IL1B: variants seen among roughly 807,000 people sequenced by gnomAD.
IL1B encodes the protein interleukin-1 beta.
A neutral mutation model predicts 26.2 loss-of-function variants in IL1B; 11 were observed. The ratio of observed to expected loss-of-function variants is 0.42; its 90% CI spans 0.26 to 0.70. The LOEUF (loss-of-function observed/expected upper bound fraction) is 0.70. IL1B is among the 30% of genes least tolerant of loss of function. The probability of loss-of-function intolerance (pLI) is 0.25; values close to 1 mark genes in which losing one functional copy is unlikely to be tolerated. For missense variants in IL1B, 255 were observed against 327.5 expected (o/e 0.78, Z 1.71); for synonymous variants, 118 against 120.8 (o/e 0.98, Z 0.15).
chr2:112,836,286 T>C, intron 1 of IL1B, 42 bp from the exon 2 acceptor site: 8 of 1,411,904 alleles, frequency 5.7e-6, no homozygotes, highest in Non-Finnish European at 8.0e-6. Flanking sequence ...CCATGACGGC[T>C]ACGTTCATGT....
At position 112,836,754 on chromosome 2, in the gene IL1B, T is replaced by A. The variant is rs115403599; in HGVS notation, c.-62A>T. On this transcript the variant is annotated 5_prime_UTR_variant, in exon 1 of 7. Transcript: ENST00000263341. ...AAGAGAATCCCAGAGCAGCCTGTTG[T>A]GCCTTGTGCCTCGAAGAGGTTTGGT... 3.8e-5 allele frequency: 6 copies of A among 157,518 alleles called. No homozygotes were observed. Among genetic ancestry groups the A allele is most frequent in the African/African-American group, 1.4e-4 (6 of 41,640 alleles). 9.8% of individuals were successfully genotyped at this position (157,518 alleles called of 1,614,324 possible). A position where few individuals can be genotyped will look rare whatever the true frequency, so the allele number is the denominator to read the frequency against.
intron 6 of IL1B, 146 bp from the exon 7 acceptor site, chr2:112,830,719 A>G (rs1681968216): frequency 4.6e-6 from 3 of 650,392 alleles, no homozygotes; most frequent in South Asian, 1.8e-5. Context: ...TGGGCCCCCA[A>G]CTTTCCGTGT....
In IL1B at chr2:112,836,252, A is replaced by T; in HGVS notation, c.-15-8T>A. 6.2e-7 allele frequency: 1 copy of T among 1,611,314 alleles called. No homozygotes were observed. The highest frequency in any genetic ancestry group is 8.5e-7 in the Non-Finnish European group (1 of 1,177,536). On this transcript the variant is annotated splice_region_variant and splice_polypyrimidine_tract_variant and intron_variant, in intron 1 of 6. Coordinates refer to ENST00000263341, the MANE Select transcript of IL1B (RefSeq NM_000576.3). The stretch of plus-strand genomic sequence containing the variant: ...CATGGCTGCTTCAGACACCTGTGTA[A>T]AAAGGAGAAAATGAGTGACTTCCCC...
intron 5 of IL1B, among the ~76,000 whole-genome samples, chr2:112,832,038 A>T (rs1198665059): frequency 2.6e-5 from 4 of 152,220 alleles, no homozygotes; most frequent in Non-Finnish European, 5.9e-5. Context: ...CCCCTGAGTG[A>T]GGCTGTCCTT....
chr2:112,831,404 A>G lies in IL1B; in HGVS notation c.485T>C (p.Phe162Ser), dbSNP rs375479974. 7 of 1,613,766 alleles carry G rather than the reference A, an allele frequency of 4.3e-6. No homozygotes were observed. Among genetic ancestry groups the G allele is most frequent in the Non-Finnish European group, 5.9e-6 (7 of 1,179,760 alleles). The change falls in exon 6 of 7, where the codon TTT becomes TCT. Residue 162 changes from phenylalanine (F) to serine (S), a missense_variant. Phe to Ser is a radical substitution (Grantham distance 155). Coordinates refer to ENST00000263341, the MANE Select transcript of IL1B (RefSeq NM_000576.3). ...GTCATTACTTTCTTCTCCTTGTACA[A>G]AGGACATGGAGAACACCACTGAAGA... ...MEQQVVFSMSFVQGEESNDKI... is the reference protein window; with the variant it reads ...MEQQVVFSMSSVQGEESNDKI...
At chr2:112,833,623 A>T in intron 3 of IL1B, 48 bp from the exon 4 acceptor site, 1 of 1,544,612 alleles carries the variant, frequency 6.5e-7, no homozygotes, top group Non-Finnish European at 8.9e-7. Flanking sequence ...TCCTGCCAGG[A>T]ACCATGCTTT....
At chr2:112,835,300 C>T in intron 3 of IL1B, 1 of 534,690 alleles carries the variant, frequency 1.9e-6, no homozygotes, top group Non-Finnish European at 3.4e-6. Context: ...TGGTTGTCTT[C>T]CTACTATGAA....
chr2:112,835,725 C>T (rs746243431), intron 2 of IL1B, 108 bp from the exon 3 acceptor site: 1 of 934,420 alleles, frequency 1.1e-6, no homozygotes, highest in Non-Finnish European at 1.7e-6. Context: ...AACAGCCTGC[C>T]TCTCAAAGCT....
chr2:112,833,384 G>T lies in IL1B; in HGVS notation c.291C>A (p.Ile97=), dbSNP rs759687974. The part of the protein sequence containing the change: ...ENDLSTFFPF[I]FEEEPIFFDT... Reference sequence around the variant, plus strand: ...CTCTTGGCTAACTACCTTCTTCAAAGATGAAGGGAAAGAAGGTGCTCAGGT... The same window carrying T: ...CTCTTGGCTAACTACCTTCTTCAAATATGAAGGGAAAGAAGGTGCTCAGGT... Residue 97 remains isoleucine (I), a synonymous_variant, in exon 4 of 7, where the codon ATC becomes ATA. Coordinates refer to ENST00000263341, the MANE Select transcript of IL1B (RefSeq NM_000576.3). The T allele has an allele frequency of 1.2e-6, 2 of 1,614,082 alleles. No homozygotes were observed. The highest frequency in any genetic ancestry group is 1.7e-6 in the Non-Finnish European group (2 of 1,179,956).
intron 3 of IL1B, chr2:112,835,037 C>CCCTTTATTTTTCAGATGAGACAA (rs1461861932): frequency 7.5e-5 from 13 of 173,684 alleles, no homozygotes; most frequent in Admixed American, 1.7e-4. Flanking sequence ...AGGTCCAAAG[C>CCCTTTATTTTTCAGATGAGACAA]GGGTAAAATG....
chr2:112,832,460 G>GT (rs1682004545), intron 5 of IL1B, among the ~76,000 whole-genome samples: 1 of 152,080 alleles, frequency 6.6e-6, no homozygotes, highest in Admixed American at 6.5e-5. Flanking sequence ...ATTTCTCAGG[G>GT]TCACACTCCT....
intron 1 of IL1B, 180 bp downstream of exon 1, chr2:112,836,528 A>G (rs1207315600): frequency 1.3e-5 from 5 of 377,212 alleles, no homozygotes; most frequent in African/African-American, 1.0e-4. Flanking sequence ...TTCCCGAGTC[A>G]TAAGCATTAT....
In IL1B at chr2:112,833,577, T is replaced by C. The variant is rs1196633125; in HGVS notation, c.100-2A>G. The C allele has an allele frequency of 6.2e-7, 1 of 1,613,716 alleles. No individual in the cohort carries two copies. Among genetic ancestry groups the C allele is most frequent in the Non-Finnish European group, 8.5e-7 (1 of 1,179,948 alleles). On this transcript the variant is annotated splice_acceptor_variant, in intron 3 of 6. Transcript: ENST00000263341. LOFTEE classifies it high-confidence loss of function. ...GAGGTCCAGGTCCTGGAAGGAGCAC[T>C]GCGGAGAGAGCGAGGGAGGGAGCCT...
At chr2:112,835,319 CATT>C in intron 3 of IL1B, 1 of 563,802 alleles carries the variant, frequency 1.8e-6, no homozygotes, top group Non-Finnish European at 3.2e-6. Flanking sequence ...AAATGGGAAA[CATT>C]ATCACTACTC....
rs1681962225 is a variant in IL1B, at chr2:112,830,585, G to A, written c.598-12C>T. On this transcript the variant is annotated splice_polypyrimidine_tract_variant and intron_variant, in intron 6 of 6. Transcript: ENST00000263341. ...TTGGGATCTACACTCTGCAGCGAAA[G>A]AGAAAGAAGAATTTTTGTGGGGCAA... 1.3e-6 allele frequency: 2 copies of A among 1,597,222 alleles called. No homozygotes were observed. The highest frequency in any genetic ancestry group is 1.7e-6 in the Non-Finnish European group (2 of 1,165,104).
chr2:112,831,165 A>T, intron 6 of IL1B, 127 bp downstream of exon 6: 1 of 1,037,054 alleles, frequency 9.6e-7, no homozygotes. Flanking sequence ...TATTTACATT[A>T]ATGCAAAATT....
chr2:112,835,538 G>A (rs773576337), intron 3 of IL1B, 28 bp downstream of exon 3: 1 of 1,590,368 alleles, frequency 6.3e-7, no homozygotes, highest in Admixed American at 1.7e-5. Context: ...GCCCTTCCTT[G>A]GGTTGGGAGT....
Position 112,833,542 on chromosome 2 carries a change from C to T in IL1B, c.133G>A (p.Asp45Asn). 6.2e-7 allele frequency: 1 copy of T among 1,614,056 alleles called. No homozygotes were observed. The highest frequency in any genetic ancestry group is 8.5e-7 in the Non-Finnish European group (1 of 1,180,032). Residue 45 changes from aspartate (D) to asparagine (N), a missense_variant, in exon 4 of 7, where the codon GAT becomes AAT. Transcript: ENST00000263341. ...SFQDLDLCPL[D>N]GGIQLRISDH... ...GAGATTCGTAGCTGGATGCCGCCAT[C>T]CAGAGGGCAGAGGTCCAGGTCCTGG... is the stretch of plus-strand genomic sequence containing the variant.
intron 1 of IL1B, 129 bp downstream of exon 1, chr2:112,836,579 C>G: frequency 6.8e-6 from 2 of 294,320 alleles, no homozygotes; most frequent in Non-Finnish European, 6.8e-6. Flanking sequence ...GAGAGGGAGG[C>G]AGAGAGGGAA....
Sources: allele counts gnomAD v4.1 joint callset (sites outside exome capture counted in the v4.1 genomes callset), GRCh38; gene constraint gnomAD v4.1.1; transcripts MANE v1.5; gene names NCBI Gene and HGNC (gene_info 2026-07-23, HGNC 2026-07-21).